FNDC3A: variants seen among roughly 807,000 people sequenced by gnomAD.
FNDC3A encodes the protein fibronectin type-III domain-containing protein 3A.
Under a neutral mutation model 148.9 loss-of-function variants are expected in FNDC3A, and 32 were observed. The ratio of observed to expected loss-of-function variants is 0.21; its 90% confidence interval spans 0.16 to 0.29. The LOEUF (loss-of-function observed/expected upper bound fraction) is 0.29, where lower values mean the gene tolerates loss of function less well. Among genes scored for constraint, FNDC3A ranks in the 10% least tolerant of loss-of-function variants. FNDC3A has a pLI of 1.00. For synonymous variants in FNDC3A, 472 were observed against 473.6 expected, an observed-to-expected ratio of 1.00 and a Z score of 0.04; for missense variants, 1,191 against 1,452.8, an observed-to-expected ratio of 0.82 and a Z score of 2.93.
chr13:49,177,861 A>G (rs1439036251), intron 13 of FNDC3A, among the ~76,000 whole-genome samples: 1 of 152,208 alleles, frequency 6.6e-6, no homozygotes, highest in African/African-American at 2.4e-5. Flanking sequence ...GACAGGAAGT[A>G]TGTTAGTAGA....
chr13:49,068,013 C>T (rs1230598079), intron 2 of FNDC3A, among the ~76,000 whole-genome samples: 2 of 152,006 alleles, frequency 1.3e-5, no homozygotes, highest in Admixed American at 1.3e-4. Context: ...GCAAAAGGAA[C>T]ATCCTTCAGT....
At chr13:49,025,741 A>T (rs1316214216) in intron 2 of FNDC3A, among the ~76,000 whole-genome samples, 2 of 152,172 alleles carry the variant, frequency 1.3e-5, no homozygotes, top group Non-Finnish European at 2.9e-5. Flanking sequence ...CTAAAGAAAA[A>T]AAAATGCAAA....
chr13:49,110,355 T>G (rs1238744514), intron 3 of FNDC3A: 1 of 1,612,416 alleles, frequency 6.2e-7, no homozygotes, highest in Non-Finnish European at 8.5e-7. Flanking sequence ...CTACGCTGTT[T>G]CCTTGTTGGA....
intron 14 of FNDC3A, among the ~76,000 whole-genome samples, chr13:49,183,934 T>A (rs1012256022): frequency 7.2e-5 from 11 of 152,200 alleles, no homozygotes; most frequent in African/African-American, 2.7e-4. Context: ...TAAGCATTGT[T>A]CTAAACACTA....
intron 2 of FNDC3A, among the ~76,000 whole-genome samples, chr13:49,060,616 C>G (rs1325673526): frequency 7.5e-6 from 1 of 132,658 alleles, no homozygotes; most frequent in South Asian, 2.3e-4. Context: ...TGCACTCCAG[C>G]CTGGGCGACA....
intron 1 of FNDC3A, among the ~76,000 whole-genome samples, chr13:48,996,185 A>G (rs1192043543): frequency 6.6e-6 from 1 of 152,188 alleles, no homozygotes; most frequent in Non-Finnish European, 1.5e-5. Context: ...TATCCATATT[A>G]TAAAAAAAAA....
intron 2 of FNDC3A, among the ~76,000 whole-genome samples, chr13:49,007,338 A>G (rs979337733): frequency 6.6e-6 from 1 of 152,040 alleles, no homozygotes; most frequent in Non-Finnish European, 1.5e-5. Context: ...TTAATTTTTT[A>G]CGTGCTCTTA....
In FNDC3A at chr13:49,191,396, G is replaced by A. The variant is rs370250171; in HGVS notation, c.2226+12G>A. On this transcript the variant is annotated intron_variant, in intron 19 of 25. Coordinates refer to ENST00000492622, the MANE Select transcript of FNDC3A (RefSeq NM_001079673.2). ...CTAACAAAATGGGGGTAAGAAGACT[G>A]TGCTGGTAGAATTATAATCACAATG... The A allele has an allele frequency of 1.3e-5, 20 of 1,557,746 alleles. No homozygotes were observed. The highest frequency in any genetic ancestry group is 1.7e-4 in the Middle Eastern group (1 of 5,832).
intron 2 of FNDC3A, among the ~76,000 whole-genome samples, chr13:49,065,784 T>C (rs990935000): frequency 6.6e-6 from 1 of 152,214 alleles, no homozygotes; most frequent in Admixed American, 6.5e-5. Context: ...ACATTGTGTA[T>C]TTCCATGACT....
rs1177986164 is a variant in FNDC3A at position 49,051,079 on chromosome 13, G to A, written c.100-24210G>A. Among the ~76,000 whole-genome samples, 10 of 152,160 alleles carry A rather than the reference G, an allele frequency of 6.6e-5. No individual in the cohort carries two copies. In the South Asian group the frequency reaches 2.1e-3, roughly 32 times the overall value. Reference sequence around the variant, plus strand: ...GTCTCCTGAAGACAGCAGAAACTTGGTTGGTAAATTCTTATCTATTCTGCC... The same window carrying A: ...GTCTCCTGAAGACAGCAGAAACTTGATTGGTAAATTCTTATCTATTCTGCC... On this transcript the variant is annotated intron_variant, in intron 2 of 25. Coordinates refer to ENST00000492622, the MANE Select transcript of FNDC3A (RefSeq NM_001079673.2).
In FNDC3A at chr13:49,208,508, C is replaced by G. The variant is rs78025430; in HGVS notation, c.*1113C>G. 141 of 152,736 alleles carry G rather than the reference C, an allele frequency of 9.2e-4. No homozygotes were observed. The highest frequency in any genetic ancestry group is 1.5e-3 in the Non-Finnish European group (100 of 68,022). 9.5% of individuals were successfully genotyped at this position (152,736 alleles called of 1,614,324 possible). A position where few individuals can be genotyped will look rare whatever the true frequency, so the allele number is the denominator to read the frequency against. ...AAACTAAACGTTTAACGTATAATGTCTGTTTGGATACTGTTCCAAATTGTT... is the reference window on the plus strand; with the variant it reads ...AAACTAAACGTTTAACGTATAATGTGTGTTTGGATACTGTTCCAAATTGTT... On this transcript the variant is annotated 3_prime_UTR_variant, in exon 26 of 26. Coordinates refer to ENST00000492622, the MANE Select transcript of FNDC3A (RefSeq NM_001079673.2).
intron 2 of FNDC3A, among the ~76,000 whole-genome samples, chr13:49,058,710 T>A (rs185548810): frequency 6.6e-6 from 1 of 152,338 alleles, no homozygotes; most frequent in Non-Finnish European, 1.5e-5. Flanking sequence ...ATTGTTTAAG[T>A]CACCCAACCT....
chr13:49,052,382 T>C (rs1334026981), intron 2 of FNDC3A, among the ~76,000 whole-genome samples: 1 of 152,192 alleles, frequency 6.6e-6, no homozygotes, highest in Non-Finnish European at 1.5e-5. Context: ...CTCCCTTTGA[T>C]GTGGTATTCT....
chr13:49,149,386 G>A (rs1883165970), intron 8 of FNDC3A, among the ~76,000 whole-genome samples: 1 of 151,928 alleles, frequency 6.6e-6, no homozygotes, highest in Non-Finnish European at 1.5e-5. Flanking sequence ...TTAGTGCCTA[G>A]TTTGTTGAAA....
At chr13:49,101,220 T>C (rs1289705344) in intron 3 of FNDC3A, among the ~76,000 whole-genome samples, 1 of 152,182 alleles carries the variant, frequency 6.6e-6, no homozygotes, top group Non-Finnish European at 1.5e-5. Context: ...AATAGACTCC[T>C]TCCCATGGAG....
rs150394121 is a variant in FNDC3A, at chr13:49,071,244, A to G, written c.100-4045A>G. ...ATGGGTGAAAAATATTTCATTGTGT[A>G]TATATACCACATTTTCTTTATCCAT... is the stretch of plus-strand genomic sequence containing the variant. On this transcript the variant is annotated intron_variant, in intron 2 of 25. Transcript: ENST00000492622. 9.3e-3 allele frequency among the ~76,000 whole-genome samples: 1,419 copies of G among 151,940 alleles called. 26 individuals are homozygous for G. The highest frequency in any genetic ancestry group is 0.033 in the African/African-American group (1,353 of 41,426).
At chr13:49,071,097 A>C in intron 2 of FNDC3A, among the ~76,000 whole-genome samples, 1 of 117,326 alleles carries the variant, frequency 8.5e-6, no homozygotes, top group East Asian at 2.4e-4. Context: ...ATGAGGTCTC[A>C]CTCTGTTGCC....
At chr13:49,170,975 C>A (rs1423915231) in intron 10 of FNDC3A, among the ~76,000 whole-genome samples, 2 of 152,126 alleles carry the variant, frequency 1.3e-5, no homozygotes, top group African/African-American at 2.4e-5. Context: ...CCTGCTGAGA[C>A]TTTTGATCTC....
chr13:49,051,679 C>G (rs1465540162), intron 2 of FNDC3A, among the ~76,000 whole-genome samples: 1 of 152,114 alleles, frequency 6.6e-6, no homozygotes, highest in Non-Finnish European at 1.5e-5. Flanking sequence ...GATGAATTTC[C>G]CAGTGCTCTT....
Sources: allele counts gnomAD v4.1 joint callset (sites outside exome capture counted in the v4.1 genomes callset), GRCh38; gene constraint gnomAD v4.1.1; transcripts MANE v1.5; gene names NCBI Gene and HGNC (gene_info 2026-07-23, HGNC 2026-07-21).